Variants in EML4 observed in about 807,000 individuals in gnomAD.
EML4 encodes the protein echinoderm microtubule-associated protein-like 4.
A neutral mutation model predicts 129.0 loss-of-function variants in EML4; 72 were observed. The observed-to-expected ratio is 0.56, with a 90% confidence interval of 0.46 to 0.68. The LOEUF (loss-of-function observed/expected upper bound fraction) is 0.68, where lower values mean the gene tolerates loss of function less well. Among genes scored for constraint, EML4 ranks in the 30% least tolerant of loss-of-function variants. The pLI is 0.00. For synonymous variants in EML4, 532 were observed against 405.0 expected, an observed-to-expected ratio of 1.31 and a Z score of -3.77; for missense variants, 1,363 against 1,190.6, an observed-to-expected ratio of 1.14 and a Z score of -2.13.
chr2:42,263,442 G>A (rs1487967446), intron 5 of EML4, 136 bp downstream of exon 5: 6 of 816,416 alleles, frequency 7.3e-6, no homozygotes, highest in Non-Finnish European at 5.0e-6. Flanking sequence ...GTCTTGCTCT[G>A]TCGCCAGGCT....
At chr2:42,295,295 T>C in intron 12 of EML4, 36 bp downstream of exon 12, 1 of 1,599,386 alleles carries the variant, frequency 6.3e-7, no homozygotes. Flanking sequence ...ATTAGGTGTA[T>C]AAGACTTTAA....
chr2:42,219,877 G>C (rs1227286928), intron 1 of EML4, among the ~76,000 whole-genome samples: 3 of 149,112 alleles, frequency 2.0e-5, no homozygotes, highest in Non-Finnish European at 4.4e-5. Context: ...AGTGAGCCAA[G>C]ATCGTGCTAC....
At chr2:42,255,345 A>G (rs1476359515) in intron 2 of EML4, among the ~76,000 whole-genome samples, 5 of 152,120 alleles carry the variant, frequency 3.3e-5, no homozygotes, top group Non-Finnish European at 7.4e-5. Flanking sequence ...TCAGCCTCCC[A>G]AAGTGCTGGG....
At chr2:42,234,877 C>CG (rs1200666229) in intron 1 of EML4, among the ~76,000 whole-genome samples, 1 of 152,170 alleles carries the variant, frequency 6.6e-6, no homozygotes, top group Admixed American at 6.5e-5. Flanking sequence ...TTATCTAGGC[C>CG]GGGCACTGTG....
Position 42,282,809 on chromosome 2 carries a change from CT to C in EML4, c.792-9del. 6.2e-7 allele frequency: 1 copy of C among 1,606,908 alleles called. No homozygotes were observed. Among genetic ancestry groups the C allele is most frequent in the Admixed American group, 1.7e-5 (1 of 57,942 alleles). ...ACTGTGTTTATTTAAAACCTTGACTCTTTTTCTGTTAAGATATGGTTATCGA... is the reference window on the plus strand; with the variant it reads ...ACTGTGTTTATTTAAAACCTTGACTCTTTTCTGTTAAGATATGGTTATCGA... On this transcript the variant is annotated splice_polypyrimidine_tract_variant and intron_variant, in intron 7 of 22. Coordinates refer to ENST00000318522, the MANE Select transcript of EML4 (RefSeq NM_019063.5).
Position 42,231,524 on chromosome 2 carries a change from A to G in EML4, c.26-13981A>G, listed in dbSNP as rs1189691842. On this transcript the variant is annotated intron_variant, in intron 1 of 22. Coordinates refer to ENST00000318522, the MANE Select transcript of EML4 (RefSeq NM_019063.5). ...CACTGTTTTTTTTCCTTTGTTCTCTATCAGTGCATGTTATTGAACCATTTA... is the reference window on the plus strand; with the variant it reads ...CACTGTTTTTTTTCCTTTGTTCTCTGTCAGTGCATGTTATTGAACCATTTA... Among the ~76,000 whole-genome samples the G allele has an allele frequency of 2.0e-5, 3 of 152,092 alleles. 1 individual carries two copies. The highest frequency in any genetic ancestry group is 7.2e-5 in the African/African-American group (3 of 41,402).
At chr2:42,200,153 CAAA>C (rs11421705) in intron 1 of EML4, among the ~76,000 whole-genome samples, 1 of 84,460 alleles carries the variant, frequency 1.2e-5, no homozygotes, top group African/African-American at 4.1e-5. Flanking sequence ...ACTAAAAATA[CAAA>C]AAAAAAAAAA....
chr2:42,233,373 T>C (rs568692275), intron 1 of EML4, among the ~76,000 whole-genome samples: 2 of 151,818 alleles, frequency 1.3e-5, no homozygotes, highest in Non-Finnish European at 2.9e-5. Context: ...TGGCGCGATC[T>C]CAGCTCCCTG....
chr2:42,218,264 A>G (rs1424617908), intron 1 of EML4, among the ~76,000 whole-genome samples: 1 of 151,712 alleles, frequency 6.6e-6, no homozygotes, highest in African/African-American at 2.4e-5. Flanking sequence ...CTAATGCCTG[A>G]TCTGTCACTG....
intron 19 of EML4, 101 bp downstream of exon 19, chr2:42,317,625 C>A: frequency 1.4e-6 from 1 of 717,158 alleles, no homozygotes; most frequent in Non-Finnish European, 2.3e-6. Flanking sequence ...CTGTCGTTAG[C>A]TGCTTTAATC....
chr2:42,192,549 C>G (rs1373478585), intron 1 of EML4, among the ~76,000 whole-genome samples: 1 of 151,954 alleles, frequency 6.6e-6, no homozygotes, highest in Non-Finnish European at 1.5e-5. Flanking sequence ...CTACTGTTTT[C>G]TTTTTAAAAG....
intron 1 of EML4, among the ~76,000 whole-genome samples, chr2:42,186,031 C>T (rs1205272405): frequency 6.6e-6 from 1 of 151,830 alleles, no homozygotes; most frequent in Non-Finnish European, 1.5e-5. Context: ...TTTATAATAC[C>T]AATTAAAAAG....
chr2:42,238,829 A>T (rs532265572), intron 1 of EML4, among the ~76,000 whole-genome samples: 1 of 152,242 alleles, frequency 6.6e-6, no homozygotes, highest in East Asian at 1.9e-4. Flanking sequence ...TGTCACGCAG[A>T]CTTGAGTGCA....
intron 1 of EML4, among the ~76,000 whole-genome samples, chr2:42,218,645 ATAGT>A (rs1255414164): frequency 5.3e-5 from 8 of 152,174 alleles, no homozygotes; most frequent in Non-Finnish European, 1.2e-4. Flanking sequence ...TTGCCCTATC[ATAGT>A]TAGTTCAGTG....
chr2:42,243,182 G>T (rs1055640738), intron 1 of EML4, among the ~76,000 whole-genome samples: 1 of 152,166 alleles, frequency 6.6e-6, no homozygotes, highest in Non-Finnish European at 1.5e-5. Flanking sequence ...TAGATTGACA[G>T]CTCTACTAGG....
chr2:42,233,740 T>A (rs983756268), intron 1 of EML4, among the ~76,000 whole-genome samples: 6 of 152,244 alleles, frequency 3.9e-5, no homozygotes, highest in Non-Finnish European at 8.8e-5. Context: ...AATCTTAATA[T>A]CTTAATATTT....
intron 1 of EML4, among the ~76,000 whole-genome samples, chr2:42,239,973 T>A (rs1674914848): frequency 6.6e-6 from 1 of 152,120 alleles, no homozygotes; most frequent in South Asian, 2.1e-4. Flanking sequence ...CAATGCATAA[T>A]ATAGTCATCA....
In EML4 at chr2:42,313,476, C is replaced by T. The variant is rs530476640; in HGVS notation, c.1968-2486C>T. ...TAAAAAATTGGTATCTTTGAGTCTT[C>T]AATTCTACCTTGAATGCACTAAGCC... On this transcript the variant is annotated intron_variant, in intron 17 of 22. Transcript: ENST00000318522. Among the ~76,000 whole-genome samples, 33 of 152,038 alleles carry T rather than the reference C, an allele frequency of 2.2e-4. No individual in the cohort carries two copies. The East Asian group carries it at 4.3e-3, about 20-fold the overall frequency.
chr2:42,325,568 A>ATT lies in EML4; in HGVS notation c.2242+17_2242+18dup, dbSNP rs757011976. ...AAATATTGTACTGTAAGTATGAATG[A>ATT]TTTTATATATATATATATATGCTAT... On this transcript the variant is annotated intron_variant, in intron 20 of 22. Transcript: ENST00000318522. 4 of 574,008 alleles carry ATT rather than the reference A, an allele frequency of 7.0e-6. No homozygotes were observed. The highest frequency in any genetic ancestry group is 4.5e-5 in the East Asian group (1 of 22,296). 35.6% of individuals were successfully genotyped at this position (574,008 alleles called of 1,614,324 possible). A position where few individuals can be genotyped will look rare whatever the true frequency, so the allele number is the denominator to read the frequency against.
Sources: allele counts gnomAD v4.1 joint callset (sites outside exome capture counted in the v4.1 genomes callset), GRCh38; gene constraint gnomAD v4.1.1; transcripts MANE v1.5; gene names NCBI Gene and HGNC (gene_info 2026-07-23, HGNC 2026-07-21).